The following KCTD1 variants were observed in gnomAD, a reference collection of about 807,000 sequenced individuals.
The protein encoded by KCTD1 is BTB/POZ domain-containing protein KCTD1.
KCTD1 carries 24 observed loss-of-function variants against 66.0 expected under a neutral mutation model. That is an observed-to-expected ratio of 0.36 (90% CI 0.26 to 0.51). KCTD1 has a LOEUF of 0.51. Ranked by LOEUF, KCTD1 falls within the 20% of genes least tolerant of loss-of-function variation. KCTD1 has a pLI of 0.95. For missense variants in KCTD1, 943 were observed against 1,205.2 expected, an observed-to-expected ratio of 0.78 and a Z score of 3.22; for synonymous variants, 511 against 517.2, an observed-to-expected ratio of 0.99 and a Z score of 0.16.
chr18:26,641,986 T>A (rs553046649), upstream of KCTD1, among the ~76,000 whole-genome samples: 1 of 152,188 alleles, frequency 6.6e-6, no homozygotes, highest in African/African-American at 2.4e-5. Flanking sequence ...ATGACTACCA[T>A]GTTCTGAGCA....
intron 1 of KCTD1, among the ~76,000 whole-genome samples, chr18:26,622,656 A>C (rs1455034992): frequency 2.0e-5 from 3 of 152,182 alleles, no homozygotes; most frequent in Non-Finnish European, 2.9e-5. Flanking sequence ...TATGCATATG[A>C]GATAAAGAAA....
At chr18:26,573,507 A>C (rs1276842669) in intron 1 of KCTD1, among the ~76,000 whole-genome samples, 4 of 152,258 alleles carry the variant, frequency 2.6e-5, no homozygotes, top group African/African-American at 9.6e-5. Flanking sequence ...TAATACGAAC[A>C]ATAAAATGTT....
intron 1 of KCTD1, among the ~76,000 whole-genome samples, chr18:26,609,948 T>C (rs1987098027): frequency 6.6e-6 from 1 of 152,208 alleles, no homozygotes; most frequent in South Asian, 2.1e-4. Context: ...AATGGGGATA[T>C]TTGCACTATA....
intron 1 of KCTD1, among the ~76,000 whole-genome samples, chr18:26,591,845 T>C (rs1022124245): frequency 6.6e-6 from 1 of 152,208 alleles, no homozygotes; most frequent in African/African-American, 2.4e-5. Context: ...AGCCATGATT[T>C]GGAGTTTACC....
chr18:26,602,907 T>C (rs1336856515), intron 1 of KCTD1, among the ~76,000 whole-genome samples: 1 of 152,208 alleles, frequency 6.6e-6, no homozygotes, highest in Admixed American at 6.5e-5. Context: ...AACAGCATAG[T>C]AGTGGTACAA....
intron 3 of KCTD1, among the ~76,000 whole-genome samples, chr18:26,470,330 A>G (rs1281698881): frequency 1.3e-5 from 2 of 152,218 alleles, no homozygotes; most frequent in Non-Finnish European, 2.9e-5. Context: ...GTTCTGGCCA[A>G]TGAGCCACAA....
intron 2 of KCTD1, among the ~76,000 whole-genome samples, chr18:26,498,855 C>A (rs533332657): frequency 6.6e-6 from 1 of 152,096 alleles, no homozygotes; most frequent in South Asian, 2.1e-4. Flanking sequence ...TATTTGAAGT[C>A]TTTACCTCAT....
chr18:26,563,988 A>G (rs1985922157), intron 1 of KCTD1, among the ~76,000 whole-genome samples: 1 of 149,956 alleles, frequency 6.7e-6, no homozygotes, highest in Non-Finnish European at 1.5e-5. Flanking sequence ...CTTCTTAACC[A>G]GACTCCTTAG....
chr18:26,597,658 GT>G (rs71169866), intron 1 of KCTD1, among the ~76,000 whole-genome samples: 67,389 of 107,924 alleles, frequency 0.62, 18,878 homozygotes, highest in East Asian at 0.76. Flanking sequence ...AGGTCTTGGT[GT>G]TTTTTTTTTT....
intron 2 of KCTD1, among the ~76,000 whole-genome samples, chr18:26,484,334 A>C (rs1466112605): frequency 8.5e-5 from 13 of 152,240 alleles, no homozygotes; most frequent in Admixed American, 7.8e-4. Flanking sequence ...TAATGTTTCT[A>C]GTACCTGTTC....
chr18:26,644,385 C>T (rs776929562), upstream of KCTD1, among the ~76,000 whole-genome samples: 12 of 152,088 alleles, frequency 7.9e-5, no homozygotes, highest in Non-Finnish European at 1.6e-4. Flanking sequence ...AGTGAGAATG[C>T]TGTGGAAACA....
chr18:26,593,585 GGA>G, intron 1 of KCTD1, among the ~76,000 whole-genome samples: 1 of 133,556 alleles, frequency 7.5e-6, no homozygotes, highest in Non-Finnish European at 1.6e-5. Context: ...AGGAGCAGGA[GGA>G]GAAGGACAAG....
At chr18:26,511,771 T>TGGAGG (rs938492333) in intron 1 of KCTD1, among the ~76,000 whole-genome samples, 2 of 152,182 alleles carry the variant, frequency 1.3e-5, no homozygotes, top group Non-Finnish European at 2.9e-5. Flanking sequence ...TGACATTCCC[T>TGGAGG]GGAGGAGGGA....
intron 2 of KCTD1, among the ~76,000 whole-genome samples, chr18:26,480,412 A>G (rs977001901): frequency 6.6e-6 from 1 of 152,222 alleles, no homozygotes; most frequent in African/African-American, 2.4e-5. Context: ...AAATATGTTC[A>G]CTAAAAAAAA....
chr18:26,471,014 C>T (rs571691390), intron 3 of KCTD1, among the ~76,000 whole-genome samples: 11 of 152,232 alleles, frequency 7.2e-5, no homozygotes, highest in African/African-American at 2.6e-4. Context: ...GGATGTGGTG[C>T]TTTGCTCTGT....
rs140614455 is a variant in KCTD1, at chr18:26,537,048, G to A, written c.1809+9680C>T. On this transcript the variant is annotated intron_variant, in intron 1 of 4. Transcript: ENST00000580059. ...CACCCTACCATTAATTATAAAAGAC[G>A]AACATGTGAAAGAACTCTGGGGTGA... Among the ~76,000 whole-genome samples the A allele has an allele frequency of 1.5e-4, 23 of 152,044 alleles. No individual in the cohort carries two copies. The East Asian group carries it at 3.9e-3, about 26-fold the overall frequency.
chr18:26,598,167 G>A (rs1437198205), intron 1 of KCTD1, among the ~76,000 whole-genome samples: 2 of 152,110 alleles, frequency 1.3e-5, no homozygotes, highest in African/African-American at 4.8e-5. Flanking sequence ...TATGAATCCT[G>A]TACCTATTCT....
At chr18:26,550,565 G>GACACACAGACACACAC (rs372123383), upstream of KCTD1, among the ~76,000 whole-genome samples, 38 of 140,580 alleles carry the variant, frequency 2.7e-4, no homozygotes, top group African/African-American at 1.0e-3. The surrounding 1 kb of genome is among the most constrained non-coding windows in gnomAD (Gnocchi z 5.4). Flanking sequence ...AAGACACACA[G>GACACACAGACACACAC]ACACACACAC....
intron 1 of KCTD1, among the ~76,000 whole-genome samples, chr18:26,601,150 G>C (rs1986886227): frequency 6.6e-6 from 1 of 151,924 alleles, no homozygotes; most frequent in Non-Finnish European, 1.5e-5. Context: ...TGAGCATTTA[G>C]AGGGAAGCAG....
Sources: gnomAD v4.1 joint callset for allele counts (sites outside exome capture counted in the v4.1 genomes callset) on GRCh38, gnomAD v4.1.1 for gene constraint, Gnocchi (gnomAD v3.1) non-coding constraint, MANE v1.5 for transcripts, NCBI Gene and HGNC (gene_info 2026-07-23, HGNC 2026-07-21) for gene names.